The following PTPRT variants were observed in gnomAD, a reference collection of about 807,000 sequenced individuals.
The protein encoded by PTPRT is receptor-type tyrosine-protein phosphatase T.
A neutral mutation model predicts 176.8 loss-of-function variants in PTPRT; 56 were observed. The ratio of observed to expected loss-of-function variants is 0.32; its 90% CI spans 0.26 to 0.40. The LOEUF is 0.40. Among genes scored for constraint, PTPRT ranks in the 10% least tolerant of loss-of-function variants. PTPRT has a pLI of 1.00. For synonymous variants in PTPRT, 783 were observed against 739.0 expected (o/e 1.06, Z -0.96); for missense variants, 1,540 against 1,908.2 (o/e 0.81, Z 3.60).
chr20:43,015,366 A>G (rs34103855), intron 1 of PTPRT, among the ~76,000 whole-genome samples: 2,736 of 152,344 alleles, frequency 0.018, 41 homozygotes, highest in Non-Finnish European at 0.029. Context: ...TAGGTGTGCA[A>G]AAGTGCTAAC....
intron 9 of PTPRT, among the ~76,000 whole-genome samples, chr20:42,436,823 C>A (rs1250578919): frequency 6.6e-6 from 1 of 152,176 alleles, no homozygotes; most frequent in Non-Finnish European, 1.5e-5. Context: ...TATCTTCGTG[C>A]AGTGGAGTAG....
At chr20:42,583,472 C>T (rs558207279) in intron 7 of PTPRT, among the ~76,000 whole-genome samples, 15 of 152,260 alleles carry the variant, frequency 9.9e-5, no homozygotes, top group Non-Finnish European at 2.1e-4. Context: ...GACAGAGGGC[C>T]CATGACATTG....
chr20:42,452,603 CATTT>C (rs2070851516), intron 8 of PTPRT, among the ~76,000 whole-genome samples: 1 of 152,098 alleles, frequency 6.6e-6, no homozygotes, highest in Admixed American at 6.5e-5. Context: ...TCTATTCATT[CATTT>C]GAGGGTCTAT....
intron 9 of PTPRT, among the ~76,000 whole-genome samples, chr20:42,364,265 T>C (rs1338447150): frequency 6.6e-6 from 1 of 152,174 alleles, no homozygotes; most frequent in Non-Finnish European, 1.5e-5. Context: ...GGCTGAAGGC[T>C]GAAGTTTCAC....
intron 16 of PTPRT, among the ~76,000 whole-genome samples, chr20:42,195,337 C>T (rs1991171089): frequency 6.6e-6 from 1 of 152,174 alleles, no homozygotes; most frequent in Non-Finnish European, 1.5e-5. Flanking sequence ...AACATTTGTA[C>T]ATAATCTCAG....
At chr20:42,629,729 G>A (rs1029827364) in intron 7 of PTPRT, among the ~76,000 whole-genome samples, 3 of 152,256 alleles carry the variant, frequency 2.0e-5, no homozygotes, top group Non-Finnish European at 2.9e-5. Flanking sequence ...AAGCAGACAC[G>A]TTACCTCTAA....
At chr20:42,716,680 A>C (rs1450944101) in intron 6 of PTPRT, among the ~76,000 whole-genome samples, 1 of 152,138 alleles carries the variant, frequency 6.6e-6, no homozygotes, top group East Asian at 1.9e-4. Context: ...CATTGCAAAA[A>C]TTTTCTCCCA....
intron 18 of PTPRT, among the ~76,000 whole-genome samples, chr20:42,138,018 T>A (rs1266744006): frequency 6.6e-6 from 1 of 152,244 alleles, no homozygotes; most frequent in Non-Finnish European, 1.5e-5. Context: ...ATGGCCAAGA[T>A]TGGACATTCT....
chr20:42,430,425 G>A (rs991561971), intron 9 of PTPRT, among the ~76,000 whole-genome samples: 2 of 152,258 alleles, frequency 1.3e-5, no homozygotes, highest in South Asian at 4.1e-4. Context: ...CCTGGGGTGG[G>A]GACAGAGATA....
At chr20:42,617,688 G>A (rs1438998515) in intron 7 of PTPRT, among the ~76,000 whole-genome samples, 1,711 of 136,364 alleles carry the variant, frequency 0.013, 396 homozygotes, top group African/African-American at 0.052. Flanking sequence ...GTGTTGAGGA[G>A]TTTATCCATT....
At chr20:42,181,194 T>A (rs1459065328) in intron 16 of PTPRT, among the ~76,000 whole-genome samples, 1 of 152,156 alleles carries the variant, frequency 6.6e-6, no homozygotes, top group African/African-American at 2.4e-5. Flanking sequence ...TTGGGAAGGC[T>A]CACAAGGGCA....
chr20:43,126,196 C>CA (rs1396998560), intron 1 of PTPRT, among the ~76,000 whole-genome samples: 3 of 151,862 alleles, frequency 2.0e-5, no homozygotes, highest in Non-Finnish European at 4.4e-5. Context: ...TATAAAAACA[C>CA]AAAAAATAGC....
chr20:42,465,265 T>C (rs2071084980), intron 8 of PTPRT, among the ~76,000 whole-genome samples: 1 of 152,128 alleles, frequency 6.6e-6, no homozygotes, highest in Non-Finnish European at 1.5e-5. Flanking sequence ...TAACAAAACT[T>C]CATATGTACT....
At chr20:42,322,740 A>G (rs1177234124) in intron 11 of PTPRT, among the ~76,000 whole-genome samples, 1 of 152,064 alleles carries the variant, frequency 6.6e-6, no homozygotes, top group Non-Finnish European at 1.5e-5. Context: ...AATGGCAACA[A>G]AAGCCAAAAT....
intron 6 of PTPRT, among the ~76,000 whole-genome samples, chr20:42,717,814 T>TA (rs1487607093): frequency 1.3e-5 from 2 of 152,044 alleles, no homozygotes; most frequent in Non-Finnish European, 1.5e-5. Context: ...CAACTCAATA[T>TA]AAAAAAACAA....
intron 9 of PTPRT, among the ~76,000 whole-genome samples, chr20:42,361,693 A>G (rs2058434331): frequency 6.6e-6 from 1 of 152,174 alleles, no homozygotes; most frequent in South Asian, 2.1e-4. Context: ...CAGCTAAGTG[A>G]GGAGGCTGCC....
intron 18 of PTPRT, among the ~76,000 whole-genome samples, chr20:42,133,116 T>G (rs1013952891): frequency 6.6e-6 from 1 of 152,206 alleles, no homozygotes; most frequent in Non-Finnish European, 1.5e-5. Flanking sequence ...CCCTGACATA[T>G]TCTACACTTT....
At chr20:42,578,192 G>A (rs1483195137) in intron 7 of PTPRT, among the ~76,000 whole-genome samples, 1 of 152,108 alleles carries the variant, frequency 6.6e-6, no homozygotes, top group Non-Finnish European at 1.5e-5. Flanking sequence ...TACGAGTTGA[G>A]ATTAGGATTG....
At chr20:42,160,638 G>T (rs1469675083) in intron 17 of PTPRT, among the ~76,000 whole-genome samples, 1 of 152,166 alleles carries the variant, frequency 6.6e-6, no homozygotes, top group Non-Finnish European at 1.5e-5. Flanking sequence ...AATGTAGATG[G>T]TTAAGGAACT....
Sources: allele counts gnomAD v4.1 joint callset (sites outside exome capture counted in the v4.1 genomes callset), GRCh38; gene constraint gnomAD v4.1.1; transcripts MANE v1.5; gene names NCBI Gene and HGNC (gene_info 2026-07-23, HGNC 2026-07-21).